Variants in MIB1 observed in about 807,000 individuals in gnomAD.
MIB1 encodes the protein MIB E3 ubiquitin protein ligase 1, also known as E3 ubiquitin-protein ligase MIB1.
Under a neutral mutation model 124.5 loss-of-function variants are expected in MIB1, and 278 were observed. That is an observed-to-expected ratio of 2.23 (90% confidence interval 2.02 to 2.47). The LOEUF is 2.47. MIB1 is among the 30% of genes most tolerant of loss of function. The pLI is 0.00. For missense variants in MIB1, 957 were observed against 1,254.4 expected (o/e 0.76, Z 3.58); for synonymous variants, 446 against 429.4 (o/e 1.04, Z -0.48).
chr18:21,817,628 T>A (rs1240591841), intron 11 of MIB1: 1 of 391,758 alleles, frequency 2.6e-6, no homozygotes, highest in East Asian at 7.9e-5. Flanking sequence ...GTGGCTCCAA[T>A]GTGTAATATC....
chr18:21,791,638 A>T, intron 7 of MIB1, 81 bp downstream of exon 7: 1 of 1,170,152 alleles, frequency 8.5e-7, no homozygotes, highest in Non-Finnish European at 1.2e-6. Context: ...TGTAGAAATT[A>T]AATTGGCATA....
intron 9 of MIB1, among the ~76,000 whole-genome samples, chr18:21,801,558 C>T (rs1393971481): frequency 6.6e-6 from 1 of 152,132 alleles, no homozygotes; most frequent in Non-Finnish European, 1.5e-5. Context: ...ATGCATACCA[C>T]CCACGTAGTC....
At chr18:21,828,703 A>C (rs1189133296) in intron 12 of MIB1, 1 of 192,394 alleles carries the variant, frequency 5.2e-6, no homozygotes, top group Non-Finnish European at 1.1e-5. Flanking sequence ...TTTTGCAGTC[A>C]AATTTTAATA....
chr18:21,810,957 G>C (rs1044735215), intron 10 of MIB1, among the ~76,000 whole-genome samples: 2 of 151,868 alleles, frequency 1.3e-5, no homozygotes, highest in African/African-American at 4.8e-5. Flanking sequence ...CCTATGAAAT[G>C]GGAGAAAATA....
rs76056004 is a variant in MIB1, at chr18:21,864,700, A to C, written c.*34A>C. Reference sequence around the variant, plus strand: ...CATGGTGTATTTTGTTAGCTAATGTATCTAGTCATGAGATCTTAATAGGCT... The same window carrying C: ...CATGGTGTATTTTGTTAGCTAATGTCTCTAGTCATGAGATCTTAATAGGCT... On this transcript the variant is annotated 3_prime_UTR_variant, in exon 21 of 21. Coordinates refer to ENST00000261537, the MANE Select transcript of MIB1 (RefSeq NM_020774.4). The C allele has an allele frequency of 0.078, 122,415 of 1,567,636 alleles. 5,185 individuals are homozygous for C. Among genetic ancestry groups the C allele is most frequent in the Middle Eastern group, 0.14 (821 of 5,934 alleles).
At chr18:21,780,697 C>T (rs958491672) in intron 6 of MIB1, among the ~76,000 whole-genome samples, 1 of 152,154 alleles carries the variant, frequency 6.6e-6, no homozygotes, top group Non-Finnish European at 1.5e-5. Context: ...ATGTTTCTCC[C>T]CTGGCCTCCC....
chr18:21,713,312 A>C (rs2040673675), intron 1 of MIB1, among the ~76,000 whole-genome samples: 1 of 122,988 alleles, frequency 8.1e-6, no homozygotes, highest in East Asian at 2.3e-4. Flanking sequence ...TATTTAATTA[A>C]TAAATTAAAG....
chr18:21,783,898 C>T (rs2041401292), intron 6 of MIB1, among the ~76,000 whole-genome samples: 1 of 152,034 alleles, frequency 6.6e-6, no homozygotes, highest in Admixed American at 6.6e-5. Flanking sequence ...AGGTGCACAC[C>T]ACCATGGTCA....
At chr18:21,791,237 G>A in intron 6 of MIB1, 137 bp from the exon 7 acceptor site, 1 of 595,834 alleles carries the variant, frequency 1.7e-6, no homozygotes, top group Non-Finnish European at 2.8e-6. Context: ...ATGTATTTGT[G>A]TATATATAAA....
chr18:21,849,412 T>G, intron 17 of MIB1, 24 bp downstream of exon 17: 1 of 1,384,978 alleles, frequency 7.2e-7, no homozygotes, highest in Non-Finnish European at 9.7e-7. Flanking sequence ...AATATAGTAT[T>G]TTGTCATTTT....
At chr18:21,757,153 TAA>T (rs58032441) in intron 1 of MIB1, among the ~76,000 whole-genome samples, 1 of 151,790 alleles carries the variant, frequency 6.6e-6, no homozygotes, top group Non-Finnish European at 1.5e-5. Flanking sequence ...TACATTAACT[TAA>T]AAAAGACAGT....
intron 6 of MIB1, among the ~76,000 whole-genome samples, chr18:21,787,964 G>A (rs1001750201): frequency 1.2e-4 from 18 of 151,780 alleles, no homozygotes; most frequent in African/African-American, 4.1e-4. Flanking sequence ...CTTGTTACCT[G>A]GATTAATTCC....
At chr18:21,784,593 C>T (rs1406750632) in intron 6 of MIB1, among the ~76,000 whole-genome samples, 1 of 152,106 alleles carries the variant, frequency 6.6e-6, no homozygotes, top group Non-Finnish European at 1.5e-5. Flanking sequence ...TGTAGCATTA[C>T]TCTTTATTCC....
intron 10 of MIB1, among the ~76,000 whole-genome samples, chr18:21,813,262 A>T (rs896509709): frequency 2.0e-5 from 3 of 151,830 alleles, no homozygotes; most frequent in Non-Finnish European, 2.9e-5. Context: ...GGAAGATTTT[A>T]ACTCTAAGAT....
In MIB1 at chr18:21,857,206, T is replaced by TG; in HGVS notation, c.2744dup (p.Gly916ArgfsTer9). 6.2e-7 allele frequency: 1 copy of TG among 1,614,088 alleles called. No individual in the cohort carries two copies. Among genetic ancestry groups the TG allele is most frequent in the Non-Finnish European group, 8.5e-7 (1 of 1,179,924 alleles). ...GAAGAGTGCCTTTCATTATGTGCTG[T>TG]GGAGGGAAAAGTTCAGAAGATGCCA... On this transcript the variant is annotated frameshift_variant, in exon 19 of 21. Coordinates refer to ENST00000261537, the MANE Select transcript of MIB1 (RefSeq NM_020774.4). LOFTEE classifies it high-confidence loss of function.
intron 1 of MIB1, among the ~76,000 whole-genome samples, chr18:21,707,475 C>T (rs1004782638): frequency 1.1e-4 from 17 of 152,178 alleles, no homozygotes; most frequent in African/African-American, 3.9e-4. Context: ...GAAGCTTTGT[C>T]CTTTTGCTCT....
chr18:21,765,574 A>T (rs1415693180), intron 1 of MIB1, among the ~76,000 whole-genome samples, 198 bp from the exon 2 acceptor site: 1 of 152,198 alleles, frequency 6.6e-6, no homozygotes, highest in Non-Finnish European at 1.5e-5. Flanking sequence ...GAGCAGAGGG[A>T]AAATATATAT....
In MIB1 at chr18:21,791,400, C is replaced by T; in HGVS notation, c.935C>T (p.Thr312Ile). The T allele has an allele frequency of 6.2e-7, 1 of 1,613,314 alleles. No homozygotes were observed. The highest frequency in any genetic ancestry group is 8.5e-7 in the Non-Finnish European group (1 of 1,179,638). ...TGGACCTTCAATCCTGCTGTTCTCACTAAAGCGAACATTGTCCGAAGTGGA... is the reference window on the plus strand; with the variant it reads ...TGGACCTTCAATCCTGCTGTTCTCATTAAAGCGAACATTGTCCGAAGTGGA... ...NRWTFNPAVL[T>I]KANIVRSGDA... Residue 312 changes from threonine to isoleucine, a missense_variant, in exon 7 of 21, where the codon ACT becomes ATT. Coordinates refer to ENST00000261537, the MANE Select transcript of MIB1 (RefSeq NM_020774.4).
At chr18:21,833,925 T>C (rs1436976062) in intron 12 of MIB1, among the ~76,000 whole-genome samples, 1 of 152,200 alleles carries the variant, frequency 6.6e-6, no homozygotes, top group Non-Finnish European at 1.5e-5. Flanking sequence ...AACAACCAAA[T>C]TGAGCATTAG....
Sources: allele counts gnomAD v4.1 joint callset (sites outside exome capture counted in the v4.1 genomes callset), GRCh38; gene constraint gnomAD v4.1.1; transcripts MANE v1.5; gene names NCBI Gene and HGNC (gene_info 2026-07-23, HGNC 2026-07-21).